The following CDKL4 variants were observed in gnomAD, a reference collection of about 807,000 sequenced individuals.
CDKL4 encodes cyclin dependent kinase like 4, also known as cyclin-dependent kinase-like 4.
CDKL4 carries 44 observed loss-of-function variants against 42.0 expected under a neutral mutation model. That is an observed-to-expected ratio of 1.05 (90% CI 0.82 to 1.35). CDKL4 has a LOEUF of 1.35. Ranked by LOEUF, CDKL4 falls within the 40% of genes most tolerant of loss-of-function variation. The pLI is 0.00. For missense variants in CDKL4, 393 were observed against 369.9 expected (o/e 1.06, Z -0.51); for synonymous variants, 120 against 121.6 (o/e 0.99, Z 0.09).
At chr2:39,201,607 G>A (rs558857053) in intron 5 of CDKL4, among the ~76,000 whole-genome samples, 13 of 152,180 alleles carry the variant, frequency 8.5e-5, no homozygotes, top group African/African-American at 2.4e-4. Flanking sequence ...AGAAAATGTG[G>A]TATATATATA....
At chr2:39,228,555 A>G (rs1318739866) in intron 2 of CDKL4, among the ~76,000 whole-genome samples, 1 of 152,224 alleles carries the variant, frequency 6.6e-6, no homozygotes, top group African/African-American at 2.4e-5. Flanking sequence ...GTCTTGTCAC[A>G]TAATGTGTAG....
downstream of CDKL4, among the ~76,000 whole-genome samples, chr2:39,175,489 A>T (rs1431943457): frequency 2.0e-5 from 3 of 152,338 alleles, no homozygotes; most frequent in East Asian, 5.8e-4. Context: ...ACGACCTTTC[A>T]AGGTTCCCTT....
At chr2:39,228,714 C>A (rs750474488) in intron 2 of CDKL4, among the ~76,000 whole-genome samples, 3 of 152,194 alleles carry the variant, frequency 2.0e-5, no homozygotes, top group Non-Finnish European at 4.4e-5. Flanking sequence ...CTGCCCCAGA[C>A]CTCCGTTTCC....
intron 4 of CDKL4, among the ~76,000 whole-genome samples, chr2:39,210,290 C>T (rs1677513423): frequency 6.6e-6 from 1 of 152,166 alleles, no homozygotes; most frequent in East Asian, 1.9e-4. Flanking sequence ...CACACCTAGC[C>T]TGAAAAATTA....
intron 2 of CDKL4, among the ~76,000 whole-genome samples, 197 bp downstream of exon 2, chr2:39,229,168 A>G (rs1262399808): frequency 6.6e-6 from 1 of 152,226 alleles, no homozygotes; most frequent in African/African-American, 2.4e-5. Context: ...CAGTATAACA[A>G]TCTATAGCTG....
At chr2:39,188,785 T>G (rs1365422292) in intron 6 of CDKL4, among the ~76,000 whole-genome samples, 2 of 152,000 alleles carry the variant, frequency 1.3e-5, no homozygotes, top group Non-Finnish European at 2.9e-5. Flanking sequence ...GATCTCCCAG[T>G]CTCAAGCAAT....
At chr2:39,243,167 AAG>A (rs1679750461) in intron 1 of CDKL4, among the ~76,000 whole-genome samples, 1 of 60,226 alleles carries the variant, frequency 1.7e-5, no homozygotes, top group African/African-American at 2.9e-5. Context: ...GACGAGGAAA[AAG>A]AGATTTTGAA....
At chr2:39,210,365 T>C (rs1677517371) in intron 4 of CDKL4, among the ~76,000 whole-genome samples, 2 of 152,170 alleles carry the variant, frequency 1.3e-5, no homozygotes, top group Non-Finnish European at 1.5e-5. Flanking sequence ...GCTTAGGGTA[T>C]AGAACGTGTT....
chr2:39,213,889 TTTTTGTTTTGTTTTGTTTTG>T (rs70954795), intron 3 of CDKL4, among the ~76,000 whole-genome samples: 2,976 of 148,568 alleles, frequency 0.02, 83 homozygotes, highest in African/African-American at 0.073. Context: ...CTCTGTACTT[TTTTTGTTTTGTTTTGTTTTG>T]TTTTGTTTTG....
chr2:39,192,974 A>G (rs1213265337), intron 5 of CDKL4, among the ~76,000 whole-genome samples: 1 of 151,882 alleles, frequency 6.6e-6, no homozygotes, highest in African/African-American at 2.4e-5. Context: ...AAAAAAATAA[A>G]AAAATCAGCC....
At chr2:39,176,686 A>C (rs752678799) in intron 9 of CDKL4, among the ~76,000 whole-genome samples, 18 of 152,186 alleles carry the variant, frequency 1.2e-4, no homozygotes, top group Non-Finnish European at 1.9e-4. Flanking sequence ...CACCTGCCTC[A>C]GCCTTCCAAA....
intron 8 of CDKL4, among the ~76,000 whole-genome samples, chr2:39,181,285 C>G (rs186895759): frequency 1.3e-5 from 2 of 152,302 alleles, no homozygotes; most frequent in Admixed American, 1.3e-4. Context: ...TTATCTTCTT[C>G]TCTACTATGT....
chr2:39,242,885 G>T, intron 1 of CDKL4, among the ~76,000 whole-genome samples: 1 of 151,916 alleles, frequency 6.6e-6, no homozygotes, highest in East Asian at 1.9e-4. Context: ...AGCACTTGAA[G>T]CCAGGAGTTG....
intron 4 of CDKL4, among the ~76,000 whole-genome samples, chr2:39,204,907 G>T (rs909168371): frequency 6.6e-6 from 1 of 151,300 alleles, no homozygotes. Flanking sequence ...GACTGGGTGT[G>T]GTGGCTCATG....
chr2:39,190,765 A>G lies in CDKL4; in HGVS notation c.455-263T>C, dbSNP rs73930540. Among the ~76,000 whole-genome samples, 1,046 of 152,218 alleles carry G rather than the reference A, an allele frequency of 6.9e-3. 10 individuals carry two copies. The highest frequency in any genetic ancestry group is 0.024 in the African/African-American group (1,001 of 41,524). ...GTGTGATAGGGATGGGGGGAATGAG[A>G]ATTTCTGGAGTGTGACTTTAAGTCT... On this transcript the variant is annotated intron_variant, in intron 5 of 9. Coordinates refer to ENST00000451199, the Ensembl canonical transcript of CDKL4.
At chr2:39,223,620 A>C (rs1333057914) in intron 3 of CDKL4, among the ~76,000 whole-genome samples, 1 of 146,874 alleles carries the variant, frequency 6.8e-6, no homozygotes, top group Non-Finnish European at 1.5e-5. Context: ...TTCAAAAAAA[A>C]AAAAAAAAGA....
intron 7 of CDKL4, among the ~76,000 whole-genome samples, chr2:39,186,261 T>C (rs752400252): frequency 6.6e-6 from 1 of 152,202 alleles, no homozygotes; most frequent in South Asian, 2.1e-4. Context: ...AGATATTATA[T>C]GAAATAATTG....
At chr2:39,200,643 A>G (rs1054877289) in intron 5 of CDKL4, among the ~76,000 whole-genome samples, 4 of 152,222 alleles carry the variant, frequency 2.6e-5, no homozygotes, top group Admixed American at 6.5e-5. Flanking sequence ...AAACAGGCAT[A>G]TAGACCAATG....
chr2:39,206,994 C>T (rs1228314265), intron 4 of CDKL4, among the ~76,000 whole-genome samples: 2 of 152,106 alleles, frequency 1.3e-5, no homozygotes, highest in East Asian at 3.9e-4. Flanking sequence ...CCTATTTAGT[C>T]TCAATTACTG....
Sources: allele counts gnomAD v4.1 joint callset (sites outside exome capture counted in the v4.1 genomes callset), GRCh38; gene constraint gnomAD v4.1.1; transcripts MANE v1.5; gene names NCBI Gene and HGNC (gene_info 2026-07-23, HGNC 2026-07-21).